The following TANC2 variants were observed in gnomAD, a reference collection of about 807,000 sequenced individuals.
TANC2 encodes tetratricopeptide repeat, ankyrin repeat and coiled-coil containing 2.
In TANC2, 26 loss-of-function variants were observed where a neutral mutation model predicts 210.5. The ratio of observed to expected loss-of-function variants is 0.12; its 90% CI spans 0.09 to 0.17. The LOEUF is 0.17. Among genes scored for constraint, TANC2 ranks in the 10% least tolerant of loss-of-function variants. The pLI, the probability that TANC2 is intolerant of heterozygous loss-of-function variation, is 1.00. For synonymous variants in TANC2, 931 were observed against 967.1 expected (o/e 0.96, Z 0.69); for missense variants, 2,129 against 2,608.9 (o/e 0.82, Z 4.01).
intron 11 of TANC2, among the ~76,000 whole-genome samples, chr17:63,326,707 G>A (rs2045659276): frequency 6.6e-6 from 1 of 151,964 alleles, no homozygotes; most frequent in Admixed American, 6.6e-5. Flanking sequence ...TCCAGCCTGG[G>A]TGATAGAGTG....
intron 5 of TANC2, among the ~76,000 whole-genome samples, chr17:63,186,318 C>T (rs2040981038): frequency 6.7e-6 from 1 of 148,676 alleles, no homozygotes; most frequent in African/African-American, 2.5e-5. Context: ...ATATTAATCT[C>T]GATATTAAGC....
chr17:63,304,460 C>G (rs1290657639), intron 9 of TANC2, among the ~76,000 whole-genome samples: 1 of 152,172 alleles, frequency 6.6e-6, no homozygotes, highest in African/African-American at 2.4e-5. Context: ...TTGCTCCTTC[C>G]TCTGGGATCT....
At chr17:63,035,891 T>A (rs1381337802) in intron 2 of TANC2, among the ~76,000 whole-genome samples, 8 of 152,176 alleles carry the variant, frequency 5.3e-5, no homozygotes, top group Admixed American at 5.2e-4. Flanking sequence ...GTAAAAAATT[T>A]TAGCTATTCT....
rs1598702837 is a variant in TANC2 at position 63,248,940 on chromosome 17, T to A, written c.1033+10863T>A. Among the ~76,000 whole-genome samples, 3 of 152,228 alleles carry A rather than the reference T, an allele frequency of 2.0e-5. No homozygotes were observed. In the South Asian group the frequency reaches 6.2e-4, roughly 32 times the overall value. ...ATGGAAGAAATATATATAGTGAAAATTTTTAAAATCGTGTATTTTATTTAC... is the reference window on the plus strand; with the variant it reads ...ATGGAAGAAATATATATAGTGAAAAATTTTAAAATCGTGTATTTTATTTAC... On this transcript the variant is annotated intron_variant, in intron 8 of 27. Coordinates refer to ENST00000689528, the Ensembl canonical transcript of TANC2.
intron 14 of TANC2, among the ~76,000 whole-genome samples, chr17:63,358,990 G>GTGTGTC (rs1018802535): frequency 1.7e-4 from 26 of 151,812 alleles, no homozygotes; most frequent in African/African-American, 6.3e-4. Context: ...GTGTGTGTGT[G>GTGTGTC]TGTGTGTGTG....
chr17:63,129,823 C>T (rs2038852387), intron 4 of TANC2, among the ~76,000 whole-genome samples: 1 of 151,918 alleles, frequency 6.6e-6, no homozygotes, highest in Non-Finnish European at 1.5e-5. Flanking sequence ...ATGATGAGCA[C>T]TGAATATTAC....
chr17:63,189,928 A>T (rs763085373), intron 5 of TANC2, among the ~76,000 whole-genome samples: 16 of 152,180 alleles, frequency 1.1e-4, no homozygotes, highest in Non-Finnish European at 1.9e-4. Context: ...GTTAATTTTG[A>T]TATATGAGGT....
chr17:63,258,667 G>C (rs1199369748), intron 8 of TANC2, among the ~76,000 whole-genome samples: 3 of 152,024 alleles, frequency 2.0e-5, no homozygotes. Context: ...GTTCACTCAA[G>C]GCCCAAGAGC....
rs779462639 is a variant in TANC2, at chr17:63,009,521, A to G, written c.-23-16A>G. Reference sequence around the variant, plus strand: ...AAAGTTTTCTTAAACACATTTTCCTATATTTTCTTTTACAGTTTTGCAGTA... The same window carrying G: ...AAAGTTTTCTTAAACACATTTTCCTGTATTTTCTTTTACAGTTTTGCAGTA... On this transcript the variant is annotated splice_polypyrimidine_tract_variant and intron_variant, in intron 1 of 27. Transcript: ENST00000689528. 5.7e-6 allele frequency: 9 copies of G among 1,580,430 alleles called. No homozygotes were observed. Among genetic ancestry groups the G allele is most frequent in the East Asian group, 4.5e-5 (2 of 44,592 alleles).
intron 1 of TANC2, among the ~76,000 whole-genome samples, chr17:62,977,515 A>G (rs528929970): frequency 6.6e-6 from 1 of 152,130 alleles, no homozygotes; most frequent in Non-Finnish European, 1.5e-5. Flanking sequence ...TAGATAATTT[A>G]ATTGTTTTTG....
At chr17:63,043,205 T>C (rs1368267017) in intron 2 of TANC2, among the ~76,000 whole-genome samples, 2 of 152,052 alleles carry the variant, frequency 1.3e-5, no homozygotes, top group Non-Finnish European at 2.9e-5. Flanking sequence ...TCTCTCACAT[T>C]GTAAAGTCTA....
chr17:63,422,448 C>T (rs2049049658), exon 28 of TANC2: 1 of 165,282 alleles, frequency 6.1e-6, no homozygotes, highest in South Asian at 1.6e-4. Context: ...GCTGTGGCCC[C>T]TCCCCAGACC....
chr17:63,016,327 G>A (rs1266031814), intron 2 of TANC2, among the ~76,000 whole-genome samples: 3 of 152,024 alleles, frequency 2.0e-5, no homozygotes, highest in Non-Finnish European at 4.4e-5. Context: ...CTGTAATCCC[G>A]GCATTTTGGG....
chr17:63,102,883 C>G (rs1567724428), intron 4 of TANC2, among the ~76,000 whole-genome samples: 1 of 152,074 alleles, frequency 6.6e-6, no homozygotes, highest in Non-Finnish European at 1.5e-5. Flanking sequence ...CTGTACTGAA[C>G]ATGTAGATTT....
intron 4 of TANC2, among the ~76,000 whole-genome samples, chr17:63,107,810 A>G (rs937054153): frequency 6.6e-6 from 1 of 151,666 alleles, no homozygotes; most frequent in African/African-American, 2.4e-5. Flanking sequence ...CCTAAGGGAA[A>G]GGGGTCACCA....
chr17:63,341,776 A>T (rs1412922456), intron 12 of TANC2, among the ~76,000 whole-genome samples: 2 of 152,246 alleles, frequency 1.3e-5, no homozygotes, highest in African/African-American at 4.8e-5. Context: ...TTCTCTGATC[A>T]CATAATTCCT....
chr17:63,304,426 C>T (rs1425922726), intron 9 of TANC2, among the ~76,000 whole-genome samples: 1 of 152,182 alleles, frequency 6.6e-6, no homozygotes, highest in African/African-American at 2.4e-5. Context: ...CTCGAGGAGG[C>T]TGGAGAGCAG....
chr17:63,089,423 C>G (rs2037098367), intron 3 of TANC2, among the ~76,000 whole-genome samples: 1 of 151,924 alleles, frequency 6.6e-6, no homozygotes, highest in South Asian at 2.1e-4. Flanking sequence ...ATGATAAGTG[C>G]TGTGTGAATT....
intron 9 of TANC2, among the ~76,000 whole-genome samples, chr17:63,282,252 G>A (rs550185424): frequency 3.1e-4 from 47 of 151,846 alleles, no homozygotes; most frequent in African/African-American, 1.1e-3. Flanking sequence ...AAGAAAAATG[G>A]GAGAAAACAC....
Sources: gnomAD v4.1 joint callset for allele counts (sites outside exome capture counted in the v4.1 genomes callset) on GRCh38, gnomAD v4.1.1 for gene constraint, MANE v1.5 for transcripts, NCBI Gene and HGNC (gene_info 2026-07-23, HGNC 2026-07-21) for gene names.